Variants in SPDEF observed in about 807,000 individuals in gnomAD.
The protein encoded by SPDEF is SAM pointed domain-containing Ets transcription factor.
SPDEF carries 12 observed loss-of-function variants against 36.0 expected under a neutral mutation model. The ratio of observed to expected loss-of-function variants is 0.33; its 90% CI spans 0.21 to 0.54. The LOEUF (loss-of-function observed/expected upper bound fraction) is 0.54. Among genes scored for constraint, SPDEF ranks in the 20% least tolerant of loss-of-function variants. The pLI is 0.93. For missense variants in SPDEF, 388 were observed against 456.9 expected, an observed-to-expected ratio of 0.85 and a Z score of 1.37; for synonymous variants, 205 against 193.0, an observed-to-expected ratio of 1.06 and a Z score of -0.51.
intron 3 of SPDEF, among the ~76,000 whole-genome samples, chr6:34,540,285 G>A (rs1018479366): frequency 2.6e-5 from 4 of 152,062 alleles, no homozygotes; most frequent in Admixed American, 1.3e-4. Flanking sequence ...GGGCAATAGA[G>A]TGAGACCCTG....
In SPDEF at chr6:34,555,494, C is replaced by T. The variant is rs1191676651; in HGVS notation, c.-30+435G>A. On this transcript the variant is annotated intron_variant, in intron 1 of 5. Coordinates refer to ENST00000374037, the MANE Select transcript of SPDEF (RefSeq NM_012391.3). This position sits in a 1 kb window ranked among gnomAD's most constrained non-coding sequence, Gnocchi z 5.2. ...TGACCCATCAAGCTCCAGCAAGCCC[C>T]TGCCCACTGGTGGCCTGGCACCAGG... 6.6e-6 allele frequency among the ~76,000 whole-genome samples: 1 copy of T among 152,212 alleles called. No individual in the cohort carries two copies. Among genetic ancestry groups the T allele is most frequent in the Non-Finnish European group, 1.5e-5 (1 of 68,032 alleles).
intron 2 of SPDEF, among the ~76,000 whole-genome samples, chr6:34,543,195 CAAAAAAAAAA>C (rs56021909): frequency 2.9e-5 from 2 of 69,142 alleles, no homozygotes; most frequent in African/African-American, 1.3e-4. Context: ...GACTCCATCT[CAAAAAAAAAA>C]AAAAAAAAAA....
chr6:34,550,676 C>T lies in SPDEF; in HGVS notation c.-30+5253G>A, dbSNP rs3778072. Among the ~76,000 whole-genome samples the T allele has an allele frequency of 1.8e-4, 28 of 152,258 alleles. No homozygotes were observed. In the East Asian group the frequency reaches 4.1e-3, roughly 22 times the overall value. On this transcript the variant is annotated intron_variant, in intron 1 of 5. Transcript: ENST00000374037. ...GGAGCCCTGATCTGTGTGAGTTTCA[C>T]CTTGGGGAGCCAGCTAGTGGGCCCA...
In SPDEF at chr6:34,539,687, C is replaced by G. The variant is rs1357258540; in HGVS notation, c.635-125G>C. 12 of 1,120,022 alleles carry G rather than the reference C, an allele frequency of 1.1e-5. No individual in the cohort carries two copies. The Admixed American group carries it at 1.6e-4, about 15-fold the overall frequency. The allele number at this position is 1,120,022 out of a possible 1,614,324, so 69.4% of individuals were successfully genotyped here. ...GTGGCTGGGGGTTGCCCCTGTGGCT[C>G]CCTGCCTCCTGCCAACCTGGGGAGG... On this transcript the variant is annotated intron_variant, in intron 3 of 5. Transcript: ENST00000374037. This position sits in a 1 kb window ranked among gnomAD's most constrained non-coding sequence, Gnocchi z 5.2.
intron 2 of SPDEF, among the ~76,000 whole-genome samples, chr6:34,543,165 C>T (rs759162612): frequency 8.6e-6 from 1 of 115,628 alleles, no homozygotes; most frequent in Non-Finnish European, 1.6e-5. Context: ...CACTGCACTG[C>T]AGCCTGGGCA....
At position 34,541,103 on chromosome 6, in the gene SPDEF, C is replaced by T. The variant is rs867815111; in HGVS notation, c.515G>A (p.Gly172Asp). ...GCCCGCCAGCTCCTGGAAGGCCTTG[C>T]CCATGGGGGGCAGCCGGTATTGGTG... ...TEHQYRLPPMGKAFQELAGKE... is the reference protein window; with the variant it reads ...TEHQYRLPPMDKAFQELAGKE... Residue 172 changes from glycine to aspartate, a missense_variant, in exon 3 of 6, where the codon GGC becomes GAC. By Grantham distance (94) the Gly-to-Asp change is moderately conservative. This residue lies in a region of SPDEF where 308 missense variants were observed against 326.1 expected (regional missense o/e 0.94). Coordinates refer to ENST00000374037, the MANE Select transcript of SPDEF (RefSeq NM_012391.3). 6.2e-7 allele frequency: 1 copy of T among 1,610,748 alleles called. No individual in the cohort carries two copies. Among genetic ancestry groups the T allele is most frequent in the Middle Eastern group, 1.7e-4 (1 of 6,010 alleles).
rs534122615 is a variant in SPDEF, at chr6:34,545,908, G to A, written c.-29-1424C>T. ...AGCCTGGGTGAAAGAGCAAAACTCC[G>A]TCTCGAAAAAAAAAACAAAACACAC... On this transcript the variant is annotated intron_variant, in intron 1 of 5. Transcript: ENST00000374037. Among the ~76,000 whole-genome samples the A allele has an allele frequency of 2.6e-4, 39 of 151,086 alleles. No individual in the cohort carries two copies. In the South Asian group the frequency reaches 5.2e-3, roughly 20 times the overall value.
At chr6:34,550,925 G>A (rs369795526) in intron 1 of SPDEF, among the ~76,000 whole-genome samples, 1 of 152,232 alleles carries the variant, frequency 6.6e-6, no homozygotes, top group East Asian at 1.9e-4. Context: ...TGCATGGGCA[G>A]CCTGGGTGTC....
intron 1 of SPDEF, among the ~76,000 whole-genome samples, chr6:34,545,878 A>C (rs768271620): frequency 2.6e-5 from 4 of 151,926 alleles, no homozygotes; most frequent in South Asian, 4.2e-4. Context: ...GTGCCACTGC[A>C]CTCCAGCCTG....
In SPDEF at chr6:34,544,654, T is replaced by C. The variant is rs1166976416; in HGVS notation, c.-29-170A>G. Among the ~76,000 whole-genome samples, 1 of 152,202 alleles carries C rather than the reference T, an allele frequency of 6.6e-6. No individual in the cohort carries two copies. The highest frequency in any genetic ancestry group is 1.5e-5 in the Non-Finnish European group (1 of 68,030). On this transcript the variant is annotated intron_variant, in intron 1 of 5. Coordinates refer to ENST00000374037, the MANE Select transcript of SPDEF (RefSeq NM_012391.3). This position sits in a 1 kb window ranked among gnomAD's most constrained non-coding sequence, Gnocchi z 4.4. Reference sequence around the variant, plus strand: ...GACATGGTTGGGCAGACAGGCCTTCTGGCTGGGAAAGACAGCGAGGTGGGA... The same window carrying C: ...GACATGGTTGGGCAGACAGGCCTTCCGGCTGGGAAAGACAGCGAGGTGGGA...
Position 34,540,987 on chromosome 6 carries a change from A to G in SPDEF, c.631T>C (p.Ser211Pro), listed in dbSNP as rs750631701. The G allele has an allele frequency of 6.2e-7, 1 of 1,610,096 alleles. No individual in the cohort carries two copies. Among genetic ancestry groups the G allele is most frequent in the Non-Finnish European group, 8.5e-7 (1 of 1,179,030 alleles). ...VLHAHLDIWK[S>P]AAWMKERTSP... is the part of the protein sequence containing the mutation. Reference sequence around the variant, plus strand: ...TCCCAGCCATGCCACATCCTACCTGACTTCCAGATGTCCAGGTGGGCGTGC... The same window carrying G: ...TCCCAGCCATGCCACATCCTACCTGGCTTCCAGATGTCCAGGTGGGCGTGC... Residue 211 changes from serine (S) to proline (P), a missense_variant, in exon 3 of 6, where the codon TCA becomes CCA. Ser to Pro is a moderately conservative substitution (Grantham distance 74). Transcript: ENST00000374037.
chr6:34,541,102 G>C lies in SPDEF; in HGVS notation c.516C>G (p.Gly172=). ...TEHQYRLPPM[G]KAFQELAGKE... ...TGCCCGCCAGCTCCTGGAAGGCCTTGCCCATGGGGGGCAGCCGGTATTGGT... is the reference window on the plus strand; with the variant it reads ...TGCCCGCCAGCTCCTGGAAGGCCTTCCCCATGGGGGGCAGCCGGTATTGGT... The change falls in exon 3 of 6, where the codon GGC becomes GGG. Residue 172 remains glycine, a synonymous_variant. Transcript: ENST00000374037. 6.2e-7 allele frequency: 1 copy of C among 1,611,028 alleles called. No individual in the cohort carries two copies. The highest frequency in any genetic ancestry group is 8.5e-7 in the Non-Finnish European group (1 of 1,179,064).
Position 34,538,055 on chromosome 6 carries a change from G to T in SPDEF, c.*219C>A. 1 of 529,412 alleles carries T rather than the reference G, an allele frequency of 1.9e-6. No homozygotes were observed. The highest frequency in any genetic ancestry group is 2.8e-5 in the South Asian group (1 of 35,298). 32.8% of individuals were successfully genotyped at this position (529,412 alleles called of 1,614,324 possible). A position where few individuals can be genotyped will look rare whatever the true frequency, so the allele number is the denominator to read the frequency against. ...TCTCCCTCTGTCCTCCAGGGGAGCA[G>T]CTGGGCCTGAGGAGGAAGCACCCCT... On this transcript the variant is annotated 3_prime_UTR_variant, in exon 6 of 6. Transcript: ENST00000374037. This position sits in a 1 kb window ranked among gnomAD's most constrained non-coding sequence, Gnocchi z 5.9.
In SPDEF at chr6:34,552,354, T is replaced by G. The variant is rs1190812360; in HGVS notation, c.-30+3575A>C. 2.0e-5 allele frequency among the ~76,000 whole-genome samples: 3 copies of G among 152,236 alleles called. No individual in the cohort carries two copies. Among genetic ancestry groups the G allele is most frequent in the Non-Finnish European group, 4.4e-5 (3 of 68,042 alleles). On this transcript the variant is annotated intron_variant, in intron 1 of 5. Transcript: ENST00000374037. This position sits in a 1 kb window ranked among gnomAD's most constrained non-coding sequence, Gnocchi z 4.6. ...GATGTCACCGGAGCTCTGCTGCTCC[T>G]GCCTGAGGCCCCTTGGCCGATCCTC... is the stretch of plus-strand genomic sequence containing the variant.
In SPDEF at chr6:34,552,787, A is replaced by G. The variant is rs1466279275; in HGVS notation, c.-30+3142T>C. On this transcript the variant is annotated intron_variant, in intron 1 of 5. Transcript: ENST00000374037. This position sits in a 1 kb window ranked among gnomAD's most constrained non-coding sequence, Gnocchi z 4.6. ...CTAAGAACAGAAATTGCTTCAAACA[A>G]GGTTGAGATGGGTGGGAGTGGGTTA... is the stretch of plus-strand genomic sequence containing the variant. 2.0e-5 allele frequency among the ~76,000 whole-genome samples: 3 copies of G among 152,204 alleles called. No homozygotes were observed. The highest frequency in any genetic ancestry group is 7.2e-5 in the African/African-American group (3 of 41,468).
In SPDEF at chr6:34,538,470, C is replaced by T. The variant is rs1464148669; in HGVS notation, c.830-18G>A. The T allele has an allele frequency of 1.9e-6, 3 of 1,598,826 alleles. No individual in the cohort carries two copies. The highest frequency in any genetic ancestry group is 2.6e-6 in the Non-Finnish European group (3 of 1,170,766). On this transcript the variant is annotated intron_variant, in intron 5 of 5. Transcript: ENST00000374037. The surrounding 1 kb of genome is among the most constrained non-coding windows in gnomAD (Gnocchi z 5.9). ...GAAGATGCCTAGAGCAGGAGGGCCC[C>T]GAGAGAGCCAGTGGTATGAGTGAGG...
intron 2 of SPDEF, among the ~76,000 whole-genome samples, chr6:34,542,988 T>C (rs985515207): frequency 2.0e-5 from 3 of 149,060 alleles, no homozygotes; most frequent in African/African-American, 7.4e-5. Context: ...GGTCAGGAGA[T>C]CGAGACCATC....
intron 2 of SPDEF, among the ~76,000 whole-genome samples, chr6:34,543,195 C>CAAAAAAA (rs56021909): frequency 7.8e-4 from 54 of 69,088 alleles, no homozygotes; most frequent in South Asian, 1.6e-3. Context: ...GACTCCATCT[C>CAAAAAAA]AAAAAAAAAA....
Position 34,544,322 on chromosome 6 carries a change from G to A in SPDEF, c.134C>T (p.Pro45Leu). 2 of 1,609,316 alleles carry A rather than the reference G, an allele frequency of 1.2e-6. No individual in the cohort carries two copies. The highest frequency in any genetic ancestry group is 1.7e-6 in the Non-Finnish European group (2 of 1,179,724). Residue 45 changes from proline (P) to leucine (L), a missense_variant, in exon 2 of 6, where the codon CCC (proline) becomes CTC (leucine). Transcript: ENST00000374037. The surrounding 1 kb of genome is among the most constrained non-coding windows in gnomAD (Gnocchi z 4.4). The part of the protein sequence containing the change: ...AVGLERRDWS[P>L]SPPATPEQGL... ...CTGCTCGGGCGTGGCGGGTGGACTGGGACTCCAGTCCCGTCTCTCGAGACC... is the reference window on the plus strand; with the variant it reads ...CTGCTCGGGCGTGGCGGGTGGACTGAGACTCCAGTCCCGTCTCTCGAGACC...
Sources: allele counts gnomAD v4.1 joint callset (sites outside exome capture counted in the v4.1 genomes callset), GRCh38; gene constraint gnomAD v4.1.1; regional missense constraint gnomAD v4.1.1; non-coding constraint Gnocchi (gnomAD v3.1); transcripts MANE v1.5; gene names NCBI Gene and HGNC (gene_info 2026-07-23, HGNC 2026-07-21).